Variants in MAP7D1 observed in about 807,000 individuals in gnomAD.
MAP7D1 encodes the protein MAP7 domain-containing protein 1.
Under a neutral mutation model 97.5 loss-of-function variants are expected in MAP7D1, and 30 were observed. The observed-to-expected ratio is 0.31, with a 90% CI of 0.23 to 0.42. The LOEUF is 0.42. Ranked by LOEUF, MAP7D1 falls within the 10% of genes least tolerant of loss-of-function variation. MAP7D1 has a pLI of 1.00. For missense variants in MAP7D1, 1,184 were observed against 1,179.5 expected, an observed-to-expected ratio of 1.00 and a Z score of -0.06; for synonymous variants, 536 against 477.1, an observed-to-expected ratio of 1.12 and a Z score of -1.61.
At chr1:36,172,325 C>A in intron 3 of MAP7D1, 139 bp from the exon 4 acceptor site, 1 of 813,484 alleles carries the variant, frequency 1.2e-6, no homozygotes, top group Non-Finnish European at 1.8e-6. Context: ...TTGTCTCAGA[C>A]TGAAAGCTCC....
chr1:36,170,679 A>G (rs1019002533), intron 1 of MAP7D1, among the ~76,000 whole-genome samples: 2 of 152,128 alleles, frequency 1.3e-5, no homozygotes, highest in Non-Finnish European at 2.9e-5. Context: ...AGCCCTCCCC[A>G]TATAGGTTAA....
At chr1:36,162,671 T>C (rs184008331) in intron 1 of MAP7D1, among the ~76,000 whole-genome samples, 1 of 152,230 alleles carries the variant, frequency 6.6e-6, no homozygotes, top group East Asian at 1.9e-4. Context: ...TTCAGTAAAT[T>C]AGTTTGGGCC....
At chr1:36,166,389 CTTTT>C (rs536815195) in intron 1 of MAP7D1, among the ~76,000 whole-genome samples, 5 of 132,250 alleles carry the variant, frequency 3.8e-5, no homozygotes, top group Admixed American at 1.5e-4. Context: ...GTGATCTGAC[CTTTT>C]TTTTTTTTTT....
At chr1:36,169,330 G>A (rs1294125572) in intron 1 of MAP7D1, among the ~76,000 whole-genome samples, 5 of 151,878 alleles carry the variant, frequency 3.3e-5, no homozygotes, top group East Asian at 3.9e-4. Flanking sequence ...GCTGAGGCGG[G>A]CGGATCATGA....
chr1:36,158,765 A>T (rs538823075), intron 1 of MAP7D1, among the ~76,000 whole-genome samples: 1 of 152,278 alleles, frequency 6.6e-6, no homozygotes, highest in East Asian at 1.9e-4. Flanking sequence ...GGTATGAAAT[A>T]TAGGGGAGGG....
In MAP7D1 at chr1:36,176,522, C is replaced by A; in HGVS notation, c.1174C>A (p.Arg392Ser). 1.4e-6 allele frequency: 2 copies of A among 1,384,566 alleles called. No individual in the cohort carries two copies. The highest frequency in any genetic ancestry group is 1.9e-6 in the Non-Finnish European group (2 of 1,069,962). The allele number at this position is 1,384,566 out of a possible 1,614,324, so 85.8% of individuals were successfully genotyped here. A position where few individuals can be genotyped will look rare whatever the true frequency, so the allele number is the denominator to read the frequency against. ...CAPAGERGER[R>S]KPNAGGSPAP... ...CCCCGCCGGTGAGCGCGGGGAGCGCCGCAAGCCCAACGCCGGGGGCAGCCC... is the reference window on the plus strand; with the variant it reads ...CCCCGCCGGTGAGCGCGGGGAGCGCAGCAAGCCCAACGCCGGGGGCAGCCC... Residue 392 changes from arginine to serine, a missense_variant, in exon 7 of 17, where the codon CGC (arginine) becomes AGC (serine). Arg to Ser is a moderately radical substitution (Grantham distance 110, BLOSUM62 -1). Transcript: ENST00000474796. This position sits in a 1 kb window ranked among gnomAD's most constrained non-coding sequence, Gnocchi z 6.1.
intron 1 of MAP7D1, among the ~76,000 whole-genome samples, chr1:36,162,147 T>G (rs1438256074): frequency 6.6e-6 from 1 of 152,106 alleles, no homozygotes; most frequent in Non-Finnish European, 1.5e-5. Flanking sequence ...CCTCTGCCTC[T>G]CCCATGCTTC....
Position 36,171,494 on chromosome 1 carries a change from T to C in MAP7D1, c.392-19T>C, listed in dbSNP as rs1236302753. On this transcript the variant is annotated intron_variant, in intron 2 of 16. Transcript: ENST00000474796. ...GGGGACAGCCTTTTGACCTGTCTGTTCTTGTTCCCTCTGCTCAGAGGTGAA... is the reference window on the plus strand; with the variant it reads ...GGGGACAGCCTTTTGACCTGTCTGTCCTTGTTCCCTCTGCTCAGAGGTGAA... 1 of 1,613,890 alleles carries C rather than the reference T, an allele frequency of 6.2e-7. No individual in the cohort carries two copies. The highest frequency in any genetic ancestry group is 1.3e-5 in the African/African-American group (1 of 74,936).
chr1:36,156,429 C>T lies in MAP7D1; in HGVS notation c.12C>T (p.Gly4=), dbSNP rs911233697. Residue 4 remains glycine, a synonymous_variant, in exon 1 of 17, where the codon GGC becomes GGT. Coordinates refer to ENST00000474796, the MANE Select transcript of MAP7D1 (RefSeq NM_001388490.1). The part of the protein sequence containing the change: MES[G]PRAELGAGAP... The stretch of plus-strand genomic sequence containing the variant: ...GTGACGCCGCAGCCATGGAGAGCGG[C>T]CCGCGTGCGGAGCTGGGGGCGGGCG... 4 of 1,479,260 alleles carry T rather than the reference C, an allele frequency of 2.7e-6. No homozygotes were observed. Among genetic ancestry groups the T allele is most frequent in the Non-Finnish European group, 3.6e-6 (4 of 1,123,080 alleles). 91.6% of individuals were successfully genotyped at this position (1,479,260 alleles called of 1,614,324 possible). A position where few individuals can be genotyped will look rare whatever the true frequency, so the allele number is the denominator to read the frequency against.
intron 1 of MAP7D1, 54 bp from the exon 2 acceptor site, chr1:36,170,917 T>C: frequency 1.4e-6 from 1 of 727,172 alleles, no homozygotes; most frequent in Non-Finnish European, 2.4e-6. Flanking sequence ...CATATGGGGC[T>C]GATGGCACAG....
chr1:36,168,541 G>A (rs1437379433), intron 1 of MAP7D1, among the ~76,000 whole-genome samples: 1 of 152,146 alleles, frequency 6.6e-6, no homozygotes, highest in Non-Finnish European at 1.5e-5. Flanking sequence ...AAATAGATTA[G>A]CAGTGACCAG....
At chr1:36,179,853 C>T (rs1320594141) in intron 15 of MAP7D1, 21 bp from the exon 16 acceptor site, 2 of 1,603,068 alleles carry the variant, frequency 1.2e-6, no homozygotes, top group Non-Finnish European at 1.7e-6. Context: ...AGGTGCTGAG[C>T]CTTGGCCTCT....
rs150974618 is a variant in MAP7D1 at position 36,163,002 on chromosome 1, A to C, written c.46+6539A>C. ...GGTGGCAGGCAAACAGAAAAGCTAG[A>C]CTGAGTTATCAGTGTTGTGAGAGGA... On this transcript the variant is annotated intron_variant, in intron 1 of 16. Coordinates refer to ENST00000474796, the MANE Select transcript of MAP7D1 (RefSeq NM_001388490.1). 4.4e-3 allele frequency among the ~76,000 whole-genome samples: 668 copies of C among 152,292 alleles called. 8 individuals are homozygous for C. Among genetic ancestry groups the C allele is most frequent in the African/African-American group, 0.015 (639 of 41,570 alleles).
Position 36,174,921 on chromosome 1 carries a change from G to GCAGTTAACCTGCCCAAACAC in MAP7D1, c.764_783dup (p.Val262GlnfsTer11). 6.2e-7 allele frequency: 1 copy of GCAGTTAACCTGCCCAAACAC among 1,613,512 alleles called. No homozygotes were observed. The highest frequency in any genetic ancestry group is 2.2e-5 in the East Asian group (1 of 44,876). ...AGGTGGGAGCAGGTGCTCCGTGTCGGCAGTTAACCTGCCCAAACACGTGGA... is the reference window on the plus strand; with the variant it reads ...AGGTGGGAGCAGGTGCTCCGTGTCGGCAGTTAACCTGCCCAAACACCAGTTAACCTGCCCAAACACGTGGA... On this transcript the variant is annotated frameshift_variant, in exon 6 of 17. Coordinates refer to ENST00000474796, the MANE Select transcript of MAP7D1 (RefSeq NM_001388490.1). LOFTEE classifies it high-confidence loss of function.
chr1:36,170,992 C>A lies in MAP7D1; in HGVS notation c.68C>A (p.Pro23Gln). 2 of 1,525,070 alleles carry A rather than the reference C, an allele frequency of 1.3e-6. No homozygotes were observed. Among genetic ancestry groups the A allele is most frequent in the East Asian group, 2.3e-5 (1 of 44,230 alleles). The allele number at this position is 1,525,070 out of a possible 1,614,324, so 94.5% of individuals were successfully genotyped here. A position where few individuals can be genotyped will look rare whatever the true frequency, so the allele number is the denominator to read the frequency against. The stretch of plus-strand genomic sequence containing the variant: ...TCAGCTGTGGTCGCCAGGACCCCCC[C>A]AGAGCCAAGACCTTCTCCAGAAGGT... ...APPAVVARTP[P>Q]EPRPSPEGDP... The change falls in exon 2 of 17, where the codon CCA becomes CAA. Residue 23 changes from proline to glutamine, a missense_variant. Pro to Gln is a moderately conservative substitution (Grantham distance 76). Transcript: ENST00000474796.
At chr1:36,156,492 TG>T in intron 1 of MAP7D1, 29 bp downstream of exon 1, 2 of 1,412,880 alleles carry the variant, frequency 1.4e-6, no homozygotes, top group Non-Finnish European at 1.8e-6. Context: ...GGAGGCGAGA[TG>T]GGGGTAGATG....
rs1376726467 is a variant in MAP7D1, at chr1:36,159,514, AC to A, written c.46+3053del. 1.2e-4 allele frequency among the ~76,000 whole-genome samples: 19 copies of A among 152,152 alleles called. No homozygotes were observed. The highest frequency in any genetic ancestry group is 1.2e-3 in the Admixed American group (19 of 15,274). ...TATCCAGGGAACGGAGGGGCCCCATACCTGAAGTGGAACAGTGGGAACAGGA... is the reference window on the plus strand; with the variant it reads ...TATCCAGGGAACGGAGGGGCCCCATACTGAAGTGGAACAGTGGGAACAGGA... On this transcript the variant is annotated intron_variant, in intron 1 of 16. Coordinates refer to ENST00000474796, the MANE Select transcript of MAP7D1 (RefSeq NM_001388490.1). This position sits in a 1 kb window ranked among gnomAD's most constrained non-coding sequence, Gnocchi z 5.4.
intron 1 of MAP7D1, among the ~76,000 whole-genome samples, chr1:36,168,407 T>C (rs1250000632): frequency 6.6e-6 from 1 of 152,116 alleles, no homozygotes; most frequent in Non-Finnish European, 1.5e-5. Context: ...GATAAGAATC[T>C]CTGCCTCTCA....
Position 36,176,703 on chromosome 1 carries a change from A to T in MAP7D1, c.1240A>T (p.Lys414Ter). ...RRRPEASPVQKKEKKDKEREN... is the reference protein window; with the variant it reads ...RRRPEASPVQ ...GTTCCTCCTTCCCTGCCAGGTGCAG[A>T]AAAAGGAGAAGAAGGACAAGGAGCG... The change falls in exon 8 of 17, where the codon AAA becomes TAA. Residue 414 changes from lysine (K) to a stop codon, truncating the protein, a stop_gained. Transcript: ENST00000474796. LOFTEE classifies it high-confidence loss of function. This position sits in a 1 kb window ranked among gnomAD's most constrained non-coding sequence, Gnocchi z 6.1. 6.2e-7 allele frequency: 1 copy of T among 1,604,200 alleles called. No homozygotes were observed. Among genetic ancestry groups the T allele is most frequent in the Non-Finnish European group, 8.5e-7 (1 of 1,176,018 alleles).
Sources: gnomAD v4.1 joint callset for allele counts (sites outside exome capture counted in the v4.1 genomes callset) on GRCh38, gnomAD v4.1.1 for gene constraint, Gnocchi (gnomAD v3.1) non-coding constraint, MANE v1.5 for transcripts, NCBI Gene and HGNC (gene_info 2026-07-23, HGNC 2026-07-21) for gene names.